NCS1: variants seen among roughly 807,000 people sequenced by gnomAD.
The protein encoded by NCS1 is frequenin homolog.
In NCS1, 6 loss-of-function variants were observed where a neutral mutation model predicts 28.4. That is an observed-to-expected ratio of 0.21 (90% confidence interval 0.12 to 0.42). The LOEUF is 0.42. Among genes scored for constraint, NCS1 ranks in the 10% least tolerant of loss-of-function variants. NCS1 has a pLI of 1.00. For missense variants in NCS1, 131 were observed against 241.4 expected, an observed-to-expected ratio of 0.54 and a Z score of 3.03; for synonymous variants, 86 against 99.3, an observed-to-expected ratio of 0.87 and a Z score of 0.79.
At chr9:130,178,738 G>A (rs1431724052) in intron 1 of NCS1, among the ~76,000 whole-genome samples, 8 of 151,838 alleles carry the variant, frequency 5.3e-5, no homozygotes, top group Admixed American at 4.6e-4. Context: ...TAATGAGACC[G>A]AAGGTGATCA....
intron 1 of NCS1, among the ~76,000 whole-genome samples, chr9:130,196,868 A>G (rs1387121968): frequency 6.6e-6 from 1 of 152,226 alleles, no homozygotes; most frequent in Non-Finnish European, 1.5e-5. Flanking sequence ...GACAGCCATG[A>G]TAACAGTTTT....
chr9:130,181,244 G>C lies in NCS1; in HGVS notation c.64+8517G>C, dbSNP rs1489691345. Among the ~76,000 whole-genome samples the C allele has an allele frequency of 6.6e-6, 1 of 152,150 alleles. No individual in the cohort carries two copies. Among genetic ancestry groups the C allele is most frequent in the African/African-American group, 2.4e-5 (1 of 41,426 alleles). On this transcript the variant is annotated intron_variant, in intron 1 of 7. Coordinates refer to ENST00000372398, the MANE Select transcript of NCS1 (RefSeq NM_014286.4). The surrounding 1 kb of genome is among the most constrained non-coding windows in gnomAD (Gnocchi z 5.0). ...TGGTTCTTAGCCTCTCGATACCTTA[G>C]TTTTCTTATCTGGGGGTTGGGGATA...
intron 2 of NCS1, among the ~76,000 whole-genome samples, chr9:130,206,718 G>C (rs918650666): frequency 1.3e-5 from 2 of 152,030 alleles, no homozygotes; most frequent in East Asian, 3.9e-4. Context: ...CCCCGTTCTT[G>C]TTCTGAACAA....
At chr9:130,204,865 G>A (rs73545557) in intron 2 of NCS1, among the ~76,000 whole-genome samples, 2,609 of 152,212 alleles carry the variant, frequency 0.017, 65 homozygotes, top group African/African-American at 0.059. Context: ...GACTTTCTCC[G>A]CATTAGGCGG....
chr9:130,172,795 C>T (rs1357211370), intron 1 of NCS1, 68 bp downstream of exon 1: 2 of 889,910 alleles, frequency 2.2e-6, no homozygotes, highest in African/African-American at 3.6e-5. Context: ...CGCCCCCGCC[C>T]CCCGGACCCG....
chr9:130,176,190 CTTTCTTT>C (rs1325319372), intron 1 of NCS1, among the ~76,000 whole-genome samples: 2 of 56,642 alleles, frequency 3.5e-5, no homozygotes, highest in South Asian at 4.6e-4. Flanking sequence ...TTCTTTCTTT[CTTTCTTT>C]TTTTTTTTTT....
intron 1 of NCS1, among the ~76,000 whole-genome samples, chr9:130,187,732 C>T (rs781920577): frequency 2.0e-5 from 3 of 152,220 alleles, no homozygotes; most frequent in African/African-American, 7.2e-5. Flanking sequence ...GGCCTCGCAC[C>T]TTCCCTGGGG....
chr9:130,218,504 T>TA (rs1438298260), intron 3 of NCS1, among the ~76,000 whole-genome samples: 6 of 152,130 alleles, frequency 3.9e-5, no homozygotes, highest in African/African-American at 1.4e-4. Flanking sequence ...CTTACAAGCA[T>TA]AAAATGCAAA....
At position 130,191,371 on chromosome 9, in the gene NCS1, C is replaced by T. The variant is rs1435647248; in HGVS notation, c.65-9587C>T. Among the ~76,000 whole-genome samples the T allele has an allele frequency of 6.6e-6, 1 of 152,156 alleles. No homozygotes were observed. The highest frequency in any genetic ancestry group is 2.4e-5 in the African/African-American group (1 of 41,442). On this transcript the variant is annotated intron_variant, in intron 1 of 7. Transcript: ENST00000372398. The surrounding 1 kb of genome is among the most constrained non-coding windows in gnomAD (Gnocchi z 6.4). ...GTCTGCCCTCCGGGGCCAGGGACTC[C>T]ATCTACTCGCCATTCCTGAAGACAG...
chr9:130,224,570 T>A (rs10760664), intron 6 of NCS1, among the ~76,000 whole-genome samples: 139,020 of 148,890 alleles, frequency 0.93, 64,838 homozygotes, highest in East Asian at 1. Context: ...AGAAAAAAAA[T>A]AAAATAAAAG....
At chr9:130,208,366 C>T (rs1364541668) in intron 2 of NCS1, among the ~76,000 whole-genome samples, 1 of 151,964 alleles carries the variant, frequency 6.6e-6, no homozygotes, top group South Asian at 2.1e-4. Flanking sequence ...TGCAACTCTG[C>T]CTCCTGGGTT....
intron 2 of NCS1, among the ~76,000 whole-genome samples, chr9:130,212,181 G>A (rs1347454348): frequency 2.6e-5 from 4 of 152,120 alleles, no homozygotes; most frequent in African/African-American, 7.2e-5. Context: ...GAAAGCACAC[G>A]GCCGCGTGCC....
At position 130,201,103 on chromosome 9, in the gene NCS1, C is replaced by T. The variant is rs182647222; in HGVS notation, c.89+121C>T. 242 of 1,319,078 alleles carry T rather than the reference C, an allele frequency of 1.8e-4. 1 individual carries two copies. In the African/African-American group the frequency reaches 3.1e-3, roughly 17 times the overall value. 81.7% of individuals were successfully genotyped at this position (1,319,078 alleles called of 1,614,324 possible). A position where few individuals can be genotyped will look rare whatever the true frequency, so the allele number is the denominator to read the frequency against. On this transcript the variant is annotated intron_variant, in intron 2 of 7. Coordinates refer to ENST00000372398, the MANE Select transcript of NCS1 (RefSeq NM_014286.4). ...GGGGGCATGTGGAGGGGCCCCTGAGCGTGGGGTCCAGACAGCCTTTGTTCA... is the reference window on the plus strand; with the variant it reads ...GGGGGCATGTGGAGGGGCCCCTGAGTGTGGGGTCCAGACAGCCTTTGTTCA...
At chr9:130,179,124 G>A (rs1832621501) in intron 1 of NCS1, among the ~76,000 whole-genome samples, 1 of 151,296 alleles carries the variant, frequency 6.6e-6, no homozygotes, top group African/African-American at 2.4e-5. Flanking sequence ...GTAGAGACGG[G>A]GTTTCACCAT....
At chr9:130,201,698 CA>C (rs1452444585) in intron 2 of NCS1, among the ~76,000 whole-genome samples, 6 of 152,072 alleles carry the variant, frequency 3.9e-5, no homozygotes, top group African/African-American at 1.4e-4. Flanking sequence ...CAGGGCCGGG[CA>C]CCCCCCAGGA....
intron 3 of NCS1, among the ~76,000 whole-genome samples, chr9:130,218,933 G>T (rs983177371): frequency 2.6e-5 from 4 of 152,172 alleles, no homozygotes; most frequent in African/African-American, 7.2e-5. Flanking sequence ...GCACCTGGGA[G>T]CTGGGTATTT....
chr9:130,205,901 T>C (rs1554908034), intron 2 of NCS1, among the ~76,000 whole-genome samples: 1 of 151,950 alleles, frequency 6.6e-6, no homozygotes. Context: ...AAGTTCTGTG[T>C]GTCTCAAGTA....
intron 4 of NCS1, among the ~76,000 whole-genome samples, chr9:130,221,423 G>T (rs1489901931): frequency 2.1e-4 from 16 of 76,270 alleles, no homozygotes; most frequent in African/African-American, 5.5e-4. Flanking sequence ...TAGAGAGAGA[G>T]AGAGAGAGAG....
intron 1 of NCS1, among the ~76,000 whole-genome samples, chr9:130,172,941 G>A (rs1347399523): frequency 9.9e-5 from 15 of 151,746 alleles, no homozygotes; most frequent in Admixed American, 1.3e-4. Context: ...AGCCCGGGGA[G>A]TGCGCGCCGG....
Sources: allele counts gnomAD v4.1 joint callset (sites outside exome capture counted in the v4.1 genomes callset), GRCh38; gene constraint gnomAD v4.1.1; non-coding constraint Gnocchi (gnomAD v3.1); transcripts MANE v1.5; gene names NCBI Gene and HGNC (gene_info 2026-07-23, HGNC 2026-07-21).